PLAG1: variants seen among roughly 807,000 people sequenced by gnomAD.
The protein encoded by PLAG1 is PLAG1 zinc finger.
A neutral mutation model predicts 35.5 loss-of-function variants in PLAG1; 7 were observed. That is an observed-to-expected ratio of 0.20 (90% CI 0.11 to 0.37). The LOEUF is 0.37. PLAG1 is among the 10% of genes least tolerant of loss of function. The probability of loss-of-function intolerance (pLI) is 1.00; values close to 1 mark genes in which losing one functional copy is unlikely to be tolerated. For synonymous variants in PLAG1, 229 were observed against 225.4 expected (o/e 1.02, Z -0.14); for missense variants, 454 against 602.8 (o/e 0.75, Z 2.58).
chr8:56,165,111 T>G lies in PLAG1; in HGVS notation c.*1132A>C. 4.8e-6 allele frequency: 1 copy of G among 208,756 alleles called. No individual in the cohort carries two copies. Among genetic ancestry groups the G allele is most frequent in the Non-Finnish European group, 9.8e-6 (1 of 102,474 alleles). 12.9% of individuals were successfully genotyped at this position (208,756 alleles called of 1,614,324 possible). A position where few individuals can be genotyped will look rare whatever the true frequency, so the allele number is the denominator to read the frequency against. ...TTAAGGGAAAGAAAAACATATCAAATTCAGCAAGAAATGATATAAGCGATA... is the reference window on the plus strand; with the variant it reads ...TTAAGGGAAAGAAAAACATATCAAAGTCAGCAAGAAATGATATAAGCGATA... On this transcript the variant is annotated 3_prime_UTR_variant, in exon 5 of 5. Coordinates refer to ENST00000316981, the MANE Select transcript of PLAG1 (RefSeq NM_002655.3).
rs747324350 is a variant in PLAG1 at position 56,161,571 on chromosome 8, G to A, written c.*4672C>T. The stretch of plus-strand genomic sequence containing the variant: ...AGTTACAGTCACCTTGTGGACAAAA[G>A]CTGGGTTTGTTCTGGTAACATTTGC... On this transcript the variant is annotated 3_prime_UTR_variant, in exon 5 of 5. Transcript: ENST00000316981. 8.7e-6 allele frequency: 2 copies of A among 228,786 alleles called. No individual in the cohort carries two copies. Among genetic ancestry groups the A allele is most frequent in the Non-Finnish European group, 1.7e-5 (2 of 115,050 alleles). The allele number at this position is 228,786 out of a possible 1,614,324, so 14.2% of individuals were successfully genotyped here.
At position 56,196,951 on chromosome 8, in the gene PLAG1, CGTGTGTGTGTGT is replaced by C. The variant is rs10534078; in HGVS notation, c.-322+14158_-322+14169del. Among the ~76,000 whole-genome samples the C allele has an allele frequency of 4.3e-4, 61 of 143,056 alleles. 1 individual carries two copies. Among genetic ancestry groups the C allele is most frequent in the Admixed American group, 3.3e-3 (49 of 14,684 alleles). The allele number at this position is 143,056 out of a possible 152,430, so 93.9% of individuals were successfully genotyped here. A position where few individuals can be genotyped will look rare whatever the true frequency, so the allele number is the denominator to read the frequency against. On this transcript the variant is annotated intron_variant, in intron 1 of 4. Coordinates refer to ENST00000316981, the MANE Select transcript of PLAG1 (RefSeq NM_002655.3). Reference sequence around the variant, plus strand: ...AGGCACCCTCTCCCTCCCTAGTGTGCGTGTGTGTGTGTGTGTGTGTGTGTGTGTGTGTGTGTG... The same window carrying C: ...AGGCACCCTCTCCCTCCCTAGTGTGCGTGTGTGTGTGTGTGTGTGTGTGTG...
At chr8:56,191,841 A>G (rs1470607619) in intron 1 of PLAG1, among the ~76,000 whole-genome samples, 4 of 151,884 alleles carry the variant, frequency 2.6e-5, no homozygotes, top group African/African-American at 9.7e-5. Context: ...AAGGAGGAAC[A>G]CAGGTTCTGA....
At position 56,166,375 on chromosome 8, in the gene PLAG1, G is replaced by A. The variant is rs1238002795; in HGVS notation, c.1371C>T (p.Pro457=). Residue 457 remains proline, a synonymous_variant, in exon 5 of 5, where the codon CCC becomes CCT. Transcript: ENST00000316981. ...EEAHSSVSQL[P]PQTQDLQDPA... ...GATCCTGAAGATCCTGTGTTTGTGG[G>A]GGGAGCTGGGAAACAGAAGAATGTG... The A allele has an allele frequency of 5.0e-6, 8 of 1,613,876 alleles. No homozygotes were observed. Among genetic ancestry groups the A allele is most frequent in the African/African-American group, 1.3e-5 (1 of 75,006 alleles).
At chr8:56,195,493 A>C (rs1029378930) in intron 1 of PLAG1, among the ~76,000 whole-genome samples, 2 of 152,180 alleles carry the variant, frequency 1.3e-5, no homozygotes, top group Non-Finnish European at 2.9e-5. Context: ...CTCTTCATGG[A>C]AGCTAACCAG....
chr8:56,182,543 C>T (rs140339052), intron 1 of PLAG1, among the ~76,000 whole-genome samples: 139 of 148,128 alleles, frequency 9.4e-4, no homozygotes, highest in African/African-American at 3.3e-3. Flanking sequence ...CCCATAGGTT[C>T]ACCACTTAGG....
At chr8:56,199,452 G>A (rs138138356) in intron 1 of PLAG1, among the ~76,000 whole-genome samples, 7 of 152,334 alleles carry the variant, frequency 4.6e-5, no homozygotes, top group African/African-American at 1.2e-4. Flanking sequence ...CACTCTTCCA[G>A]AAAGTCTGGC....
At chr8:56,190,856 T>C (rs1332026443) in intron 1 of PLAG1, among the ~76,000 whole-genome samples, 4 of 152,080 alleles carry the variant, frequency 2.6e-5, no homozygotes, top group Non-Finnish European at 2.9e-5. Context: ...TTTTGCTTCA[T>C]AGAGTAGGTG....
intron 1 of PLAG1, among the ~76,000 whole-genome samples, chr8:56,205,278 G>A (rs893504856): frequency 1.3e-5 from 2 of 151,618 alleles, no homozygotes; most frequent in Non-Finnish European, 3.0e-5. Flanking sequence ...GACACTTCAC[G>A]AAGACACACA....
At chr8:56,171,502 C>T (rs1021864336) in intron 2 of PLAG1, 1 of 152,088 alleles carries the variant, frequency 6.6e-6, no homozygotes, top group Non-Finnish European at 1.5e-5. Context: ...GATATTAGGG[C>T]TACTGTTTAT....
intron 1 of PLAG1, among the ~76,000 whole-genome samples, chr8:56,180,141 T>C (rs1472707849): frequency 3.9e-5 from 6 of 152,238 alleles, no homozygotes; most frequent in South Asian, 2.1e-4. Context: ...AAGTATTCAA[T>C]GTTTGCATCC....
At chr8:56,182,041 G>C (rs1218216453) in intron 1 of PLAG1, among the ~76,000 whole-genome samples, 4 of 152,224 alleles carry the variant, frequency 2.6e-5, no homozygotes. Flanking sequence ...ACCGTGAAGT[G>C]TAATTTATAC....
intron 3 of PLAG1, among the ~76,000 whole-genome samples, chr8:56,170,044 TTAACTC>T (rs1811474733): frequency 1.3e-5 from 2 of 152,334 alleles, no homozygotes; most frequent in South Asian, 4.1e-4. Flanking sequence ...TTTTGTAAAA[TTAACTC>T]TATGTTACAA....
intron 1 of PLAG1, among the ~76,000 whole-genome samples, chr8:56,200,889 C>T (rs1448381063): frequency 6.6e-6 from 1 of 152,214 alleles, no homozygotes; most frequent in Non-Finnish European, 1.5e-5. Context: ...TATACATTAA[C>T]TCATCATCCA....
chr8:56,167,048 T>C lies in PLAG1; in HGVS notation c.698A>G (p.Lys233Arg), dbSNP rs1396461720. 4.3e-6 allele frequency: 7 copies of C among 1,613,946 alleles called. No individual in the cohort carries two copies. Among genetic ancestry groups the C allele is most frequent in the Non-Finnish European group, 5.9e-6 (7 of 1,179,794 alleles). ...CAGAAGCTCTTGATTGTGACTCTTC[T>C]TCATATGTCGAGTCAGGTGATCCTT... ...GRKDHLTRHMKKSHNQELLKV... is the reference protein window; with the variant it reads ...GRKDHLTRHMRKSHNQELLKV... Residue 233 changes from lysine to arginine, a missense_variant, in exon 5 of 5, where the codon AAG (lysine) becomes AGG (arginine). By Grantham distance (26) the Lys-to-Arg change is conservative. Transcript: ENST00000316981. The surrounding 1 kb of genome is among the most constrained non-coding windows in gnomAD (Gnocchi z 5.9).
chr8:56,175,974 T>C (rs982258753), intron 2 of PLAG1, among the ~76,000 whole-genome samples: 46 of 152,152 alleles, frequency 3.0e-4, no homozygotes, highest in Admixed American at 2.6e-4. Context: ...CTTGGTTGTT[T>C]ATTTTATAGA....
chr8:56,210,790 G>C (rs1057416120), intron 1 of PLAG1, among the ~76,000 whole-genome samples: 1 of 151,124 alleles, frequency 6.6e-6, no homozygotes, highest in Non-Finnish European at 1.5e-5. Flanking sequence ...GGAGGAGGAG[G>C]AGGAAAACTT....
At chr8:56,184,903 T>C (rs375595367) in intron 1 of PLAG1, among the ~76,000 whole-genome samples, 61 of 152,174 alleles carry the variant, frequency 4.0e-4, no homozygotes, top group African/African-American at 1.4e-3. Flanking sequence ...GCCAAGATCA[T>C]GCCACTGCAC....
intron 1 of PLAG1, among the ~76,000 whole-genome samples, chr8:56,184,498 G>C (rs1272873181): frequency 6.6e-6 from 1 of 152,200 alleles, no homozygotes; most frequent in Non-Finnish European, 1.5e-5. Context: ...CAAGAGATCT[G>C]AAAACATAGG....
Sources: gnomAD v4.1 joint callset for allele counts (sites outside exome capture counted in the v4.1 genomes callset) on GRCh38, gnomAD v4.1.1 for gene constraint, Gnocchi (gnomAD v3.1) non-coding constraint, MANE v1.5 for transcripts, NCBI Gene and HGNC (gene_info 2026-07-23, HGNC 2026-07-21) for gene names.